The following HES5 variants were observed in gnomAD, a reference collection of about 807,000 sequenced individuals.
The protein encoded by HES5 is transcription factor HES-5.
In HES5, 12 loss-of-function variants were observed where a neutral mutation model predicts 9.6. That is an observed-to-expected ratio of 1.25 (90% CI 0.80 to 2.03). HES5 has a LOEUF of 2.03. HES5 is among the 30% of genes most tolerant of loss of function. HES5 has a pLI of 0.00. For synonymous variants in HES5, 131 were observed against 102.4 expected (o/e 1.28, Z -1.69); for missense variants, 255 against 218.6 (o/e 1.17, Z -1.05).
Position 2,529,379 on chromosome 1 carries a change from C to A in HES5, c.*90G>T. 1.0e-6 allele frequency: 1 copy of A among 997,810 alleles called. No individual in the cohort carries two copies. Among genetic ancestry groups the A allele is most frequent in the Non-Finnish European group, 1.2e-6 (1 of 837,380 alleles). 61.8% of individuals were successfully genotyped at this position (997,810 alleles called of 1,614,324 possible). On this transcript the variant is annotated 3_prime_UTR_variant, in exon 3 of 3. Transcript: ENST00000378453. This position sits in a 1 kb window ranked among gnomAD's most constrained non-coding sequence, Gnocchi z 4.5. ...GAGAAGGGCGCGTCCAAGCCCGGGGCGGACGACGGCGGGAAGGCGCTTCCC... is the reference window on the plus strand; with the variant it reads ...GAGAAGGGCGCGTCCAAGCCCGGGGAGGACGACGGCGGGAAGGCGCTTCCC...
rs991832619 is a variant in HES5, at chr1:2,530,091, C to T, written c.54+20G>A. ...ACCGGAGGCCGCGGGGACAGCGCGC[C>T]GGGCGAGTCTGGTACTTACTCGGTT... On this transcript the variant is annotated intron_variant, in intron 1 of 2. Transcript: ENST00000378453. 3 of 1,590,496 alleles carry T rather than the reference C, an allele frequency of 1.9e-6. No homozygotes were observed. The highest frequency in any genetic ancestry group is 2.6e-6 in the Non-Finnish European group (3 of 1,169,148).
Position 2,529,880 on chromosome 1 carries a change from C to A in HES5, c.186G>T (p.Leu62=). ...GCTTCAGGTAGCTGACAGCCATCTC[C>A]AGGATGTCGGCCTTCTCCAGCTTGG... The part of the protein sequence containing the change: ...PNSKLEKADI[L]EMAVSYLKHS... Residue 62 remains leucine, a synonymous_variant, in exon 2 of 3, where the codon CTG becomes CTT. Coordinates refer to ENST00000378453, the MANE Select transcript of HES5 (RefSeq NM_001010926.4). The surrounding 1 kb of genome is among the most constrained non-coding windows in gnomAD (Gnocchi z 4.5). 6.2e-7 allele frequency: 1 copy of A among 1,600,920 alleles called. No homozygotes were observed. The highest frequency in any genetic ancestry group is 8.5e-7 in the Non-Finnish European group (1 of 1,174,032).
In HES5 at chr1:2,530,204, C is replaced by T. The variant is rs1042304215; in HGVS notation, c.-40G>A. The T allele has an allele frequency of 7.0e-7, 1 of 1,436,450 alleles. No individual in the cohort carries two copies. The allele number at this position is 1,436,450 out of a possible 1,614,324, so 89.0% of individuals were successfully genotyped here. On this transcript the variant is annotated 5_prime_UTR_variant, in exon 1 of 3. Transcript: ENST00000378453. ...AGGCGACGAGGCGACGCGGGGAGGC[C>T]GGGCGAGACGAGGCGAGCGGGCGCG...
chr1:2,530,219 G>C lies in HES5; in HGVS notation c.-55C>G. 2 of 1,408,834 alleles carry C rather than the reference G, an allele frequency of 1.4e-6. No homozygotes were observed. The highest frequency in any genetic ancestry group is 1.9e-6 in the Non-Finnish European group (2 of 1,073,400). The allele number at this position is 1,408,834 out of a possible 1,614,324, so 87.3% of individuals were successfully genotyped here. A position where few individuals can be genotyped will look rare whatever the true frequency, so the allele number is the denominator to read the frequency against. Reference sequence around the variant, plus strand: ...GCGGGGAGGCCGGGCGAGACGAGGCGAGCGGGCGCGGGCAAGGCCAAGCGC... The same window carrying C: ...GCGGGGAGGCCGGGCGAGACGAGGCCAGCGGGCGCGGGCAAGGCCAAGCGC... On this transcript the variant is annotated 5_prime_UTR_variant, in exon 1 of 3. Transcript: ENST00000378453.
Position 2,529,771 on chromosome 1 carries a change from G to A in HES5, c.221-22C>T. ...AAGGCTGCGGGGAGACGCGGCGGCG[G>A]TGAGCGGGCGGCGGGGCGCGGGGGA... On this transcript the variant is annotated intron_variant, in intron 2 of 2. Transcript: ENST00000378453. This position sits in a 1 kb window ranked among gnomAD's most constrained non-coding sequence, Gnocchi z 4.5. 8.0e-7 allele frequency: 1 copy of A among 1,246,486 alleles called. No individual in the cohort carries two copies. The highest frequency in any genetic ancestry group is 1.0e-6 in the Non-Finnish European group (1 of 990,206). 77.2% of individuals were successfully genotyped at this position (1,246,486 alleles called of 1,614,324 possible). A position where few individuals can be genotyped will look rare whatever the true frequency, so the allele number is the denominator to read the frequency against.
rs953281251 is a variant in HES5, at chr1:2,529,452, C to T, written c.*17G>A. 4 of 1,064,442 alleles carry T rather than the reference C, an allele frequency of 3.8e-6. No homozygotes were observed. Among genetic ancestry groups the T allele is most frequent in the Non-Finnish European group, 4.5e-6 (4 of 881,460 alleles). The allele number at this position is 1,064,442 out of a possible 1,614,324, so 65.9% of individuals were successfully genotyped here. A position where few individuals can be genotyped will look rare whatever the true frequency, so the allele number is the denominator to read the frequency against. On this transcript the variant is annotated 3_prime_UTR_variant, in exon 3 of 3. Transcript: ENST00000378453. The surrounding 1 kb of genome is among the most constrained non-coding windows in gnomAD (Gnocchi z 4.5). ...GCCCTCTGGTCGTCGGGCCGCGCGC[C>T]CGCAGGTCCCGCCGGGTCACCAGGG...
chr1:2,529,624 G>A lies in HES5; in HGVS notation c.346C>T (p.Leu116=). ...GCCGGGGGCCGCTGGAAGTGGTACAGCAGCTTCATCTGCGTGTCGCTGGCG... is the reference window on the plus strand; with the variant it reads ...GCCGGGGGCCGCTGGAAGTGGTACAACAGCTTCATCTGCGTGTCGCTGGCG... ...HAASDTQMKL[L]YHFQRPPAAP... Residue 116 remains leucine, a synonymous_variant, in exon 3 of 3, where the codon CTG becomes TTG. Coordinates refer to ENST00000378453, the MANE Select transcript of HES5 (RefSeq NM_001010926.4). The surrounding 1 kb of genome is among the most constrained non-coding windows in gnomAD (Gnocchi z 4.5). 1 of 1,296,808 alleles carries A rather than the reference G, an allele frequency of 7.7e-7. No homozygotes were observed. 80.3% of individuals were successfully genotyped at this position (1,296,808 alleles called of 1,614,324 possible). A position where few individuals can be genotyped will look rare whatever the true frequency, so the allele number is the denominator to read the frequency against.
Position 2,529,838 on chromosome 1 carries a change from G to T in HES5, c.220+8C>A, listed in dbSNP as rs1406686072. 3 of 1,458,846 alleles carry T rather than the reference G, an allele frequency of 2.1e-6. No homozygotes were observed. The highest frequency in any genetic ancestry group is 2.7e-6 in the Non-Finnish European group (3 of 1,092,546). 90.4% of individuals were successfully genotyped at this position (1,458,846 alleles called of 1,614,324 possible). On this transcript the variant is annotated splice_region_variant and intron_variant, in intron 2 of 2. Transcript: ENST00000378453. The surrounding 1 kb of genome is among the most constrained non-coding windows in gnomAD (Gnocchi z 4.5). Reference sequence around the variant, plus strand: ...AACTCGGGGCGCGGGGGGCCCGGGCGCGCTCACCTTTGCTGTGCTTCAGGT... The same window carrying T: ...AACTCGGGGCGCGGGGGGCCCGGGCTCGCTCACCTTTGCTGTGCTTCAGGT...
At position 2,529,507 on chromosome 1, in the gene HES5, C is replaced by A. The variant is rs1643976365; in HGVS notation, c.463G>T (p.Ala155Ser). 1 of 1,000,636 alleles carries A rather than the reference C, an allele frequency of 1.0e-6. No homozygotes were observed. The highest frequency in any genetic ancestry group is 1.2e-6 in the Non-Finnish European group (1 of 831,944). 62.0% of individuals were successfully genotyped at this position (1,000,636 alleles called of 1,614,324 possible). A position where few individuals can be genotyped will look rare whatever the true frequency, so the allele number is the denominator to read the frequency against. Reference sequence around the variant, plus strand: ...CAGAGGCCGCAGGCGGGCTGGTGCGCGGCGGCGGCGGCGGCGGTGGCCTTG... The same window carrying A: ...CAGAGGCCGCAGGCGGGCTGGTGCGAGGCGGCGGCGGCGGCGGTGGCCTTG... ...SAKATAAAAA[A>S]HQPACGLWRP... Residue 155 changes from alanine to serine, a missense_variant, in exon 3 of 3, where the codon GCG becomes TCG. Coordinates refer to ENST00000378453, the MANE Select transcript of HES5 (RefSeq NM_001010926.4). This position sits in a 1 kb window ranked among gnomAD's most constrained non-coding sequence, Gnocchi z 4.5.
rs1294411671 is a variant in HES5 at position 2,529,466 on chromosome 1, G to A, written c.*3C>T. On this transcript the variant is annotated 3_prime_UTR_variant, in exon 3 of 3. Coordinates refer to ENST00000378453, the MANE Select transcript of HES5 (RefSeq NM_001010926.4). This position sits in a 1 kb window ranked among gnomAD's most constrained non-coding sequence, Gnocchi z 4.5. ...GGGCCGCGCGCCCGCAGGTCCCGCC[G>A]GGTCACCAGGGCCGCCAGAGGCCGC... The A allele has an allele frequency of 5.6e-6, 6 of 1,062,038 alleles. No homozygotes were observed. The highest frequency in any genetic ancestry group is 5.1e-5 in the African/African-American group (3 of 59,012). The allele number at this position is 1,062,038 out of a possible 1,614,324, so 65.8% of individuals were successfully genotyped here.
intron 1 of HES5, 38 bp from the exon 2 acceptor site, chr1:2,530,049 C>G (rs771466596): frequency 2.3e-5 from 37 of 1,602,064 alleles, no homozygotes; most frequent in Admixed American, 3.4e-5. Context: ...CCCGGCACGG[C>G]GCAGGGACCC....
rs201003052 is a variant in HES5, at chr1:2,529,988, C to T, written c.78G>A (p.Lys26=). 243 of 1,607,506 alleles carry T rather than the reference C, an allele frequency of 1.5e-4. 2 individuals are homozygous for T. The East Asian group carries it at 5.4e-3, about 36-fold the overall frequency. The change falls in exon 2 of 3, where the codon AAG becomes AAA. Residue 26 remains lysine, a synonymous_variant. Transcript: ENST00000378453. This position sits in a 1 kb window ranked among gnomAD's most constrained non-coding sequence, Gnocchi z 4.5. ...KNRLRKPVVE[K]MRRDRINSSI... Reference sequence around the variant, plus strand: ...TGCTGTTGATGCGGTCGCGGCGCATCTTCTCCACCACCGGCTTCCGCAGCT... The same window carrying T: ...TGCTGTTGATGCGGTCGCGGCGCATTTTCTCCACCACCGGCTTCCGCAGCT...
rs1479336528 is a variant in HES5, at chr1:2,529,237, G to T, written c.*232C>A. 1.9e-5 allele frequency: 4 copies of T among 210,218 alleles called. No individual in the cohort carries two copies. The highest frequency in any genetic ancestry group is 3.4e-5 in the Non-Finnish European group (4 of 119,166). 13.0% of individuals were successfully genotyped at this position (210,218 alleles called of 1,614,324 possible). ...TGCAAACACAGAACAACCCCATGGG[G>T]TCAGACACTTGGCAGAAGATGGGCC... On this transcript the variant is annotated 3_prime_UTR_variant, in exon 3 of 3. Coordinates refer to ENST00000378453, the MANE Select transcript of HES5 (RefSeq NM_001010926.4). This position sits in a 1 kb window ranked among gnomAD's most constrained non-coding sequence, Gnocchi z 4.5.
In HES5 at chr1:2,529,458, G is replaced by A. The variant is rs911724303; in HGVS notation, c.*11C>T. On this transcript the variant is annotated 3_prime_UTR_variant, in exon 3 of 3. Coordinates refer to ENST00000378453, the MANE Select transcript of HES5 (RefSeq NM_001010926.4). The surrounding 1 kb of genome is among the most constrained non-coding windows in gnomAD (Gnocchi z 4.5). ...TGGTCGTCGGGCCGCGCGCCCGCAGGTCCCGCCGGGTCACCAGGGCCGCCA... is the reference window on the plus strand; with the variant it reads ...TGGTCGTCGGGCCGCGCGCCCGCAGATCCCGCCGGGTCACCAGGGCCGCCA... The A allele has an allele frequency of 8.5e-6, 9 of 1,063,056 alleles. No individual in the cohort carries two copies. The African/African-American group carries it at 1.2e-4, about 14-fold the overall frequency. 65.9% of individuals were successfully genotyped at this position (1,063,056 alleles called of 1,614,324 possible). A position where few individuals can be genotyped will look rare whatever the true frequency, so the allele number is the denominator to read the frequency against.
At position 2,529,677 on chromosome 1, in the gene HES5, T is replaced by C; in HGVS notation, c.293A>G (p.Glu98Gly). ...GTGGAGCGTCAGGAACTGCACGGCC[T>C]CCTGCAGGCACCACGAGTAGCCTTC... is the stretch of plus-strand genomic sequence containing the variant. ...YSEGYSWCLQ[E>G]AVQFLTLHAA... Residue 98 changes from glutamate (E) to glycine (G), a missense_variant, in exon 3 of 3, where the codon GAG (glutamate) becomes GGG (glycine). Physicochemically the swap from Glu to Gly is moderately conservative, Grantham distance 98 (BLOSUM62 -2). Transcript: ENST00000378453. The surrounding 1 kb of genome is among the most constrained non-coding windows in gnomAD (Gnocchi z 4.5). 7.6e-7 allele frequency: 1 copy of C among 1,316,206 alleles called. No individual in the cohort carries two copies. Among genetic ancestry groups the C allele is most frequent in the Non-Finnish European group, 9.8e-7 (1 of 1,015,964 alleles). The allele number at this position is 1,316,206 out of a possible 1,614,324, so 81.5% of individuals were successfully genotyped here. A position where few individuals can be genotyped will look rare whatever the true frequency, so the allele number is the denominator to read the frequency against.
Position 2,530,158 on chromosome 1 carries a change from G to T in HES5, c.7C>A (p.Pro3Thr). The stretch of plus-strand genomic sequence containing the variant: ...AGCAGCTCCACGGCCACAGTGCTGG[G>T]GGCCATGCCTGGCGCGGAACAGGCG... MA[P>T]STVAVELLSP... Residue 3 changes from proline to threonine, a missense_variant, in exon 1 of 3, where the codon CCC becomes ACC. By Grantham distance (38) the Pro-to-Thr change is conservative (BLOSUM62 -1). Coordinates refer to ENST00000378453, the MANE Select transcript of HES5 (RefSeq NM_001010926.4). 6.6e-7 allele frequency: 1 copy of T among 1,514,632 alleles called. No individual in the cohort carries two copies. The highest frequency in any genetic ancestry group is 8.9e-7 in the Non-Finnish European group (1 of 1,129,568). 93.8% of individuals were successfully genotyped at this position (1,514,632 alleles called of 1,614,324 possible).
chr1:2,529,920 C>T lies in HES5; in HGVS notation c.146G>A (p.Arg49Gln), dbSNP rs199682108. The change falls in exon 2 of 3, where the codon CGG (arginine) becomes CAG (glutamine). Residue 49 changes from arginine to glutamine, a missense_variant. Physicochemically the swap from Arg to Gln is conservative, Grantham distance 43. Transcript: ENST00000378453. This position sits in a 1 kb window ranked among gnomAD's most constrained non-coding sequence, Gnocchi z 4.5. The stretch of plus-strand genomic sequence containing the variant: ...CTCCAGCTTGGAGTTGGGCTGGTGC[C>T]GCGCGAACTCCTGCTCCAGCAGCAG... ...LKLLLEQEFA[R>Q]HQPNSKLEKA... The T allele has an allele frequency of 8.7e-6, 14 of 1,606,930 alleles. No individual in the cohort carries two copies. Among genetic ancestry groups the T allele is most frequent in the Non-Finnish European group, 1.2e-5 (14 of 1,177,302 alleles).
rs1369433635 is a variant in HES5, at chr1:2,528,900, C to T, written c.*569G>A. On this transcript the variant is annotated 3_prime_UTR_variant, in exon 3 of 3. Coordinates refer to ENST00000378453, the MANE Select transcript of HES5 (RefSeq NM_001010926.4). ...AAGGATCATAGTGGAGGCACCCACC[C>T]TCCCCAGACAGCCCACCGTGAGCCC... The T allele has an allele frequency of 6.6e-6, 1 of 152,644 alleles. No individual in the cohort carries two copies. Among genetic ancestry groups the T allele is most frequent in the Non-Finnish European group, 1.5e-5 (1 of 68,102 alleles). The allele number at this position is 152,644 out of a possible 1,614,324, so 9.5% of individuals were successfully genotyped here.
Position 2,529,099 on chromosome 1 carries a change from G to C in HES5, c.*370C>G, listed in dbSNP as rs931830670. Reference sequence around the variant, plus strand: ...TGCCAGGGGTACGCCCAGCAGCTACGGGCCCTGAAGAAAGTCCTCTACAGG... The same window carrying C: ...TGCCAGGGGTACGCCCAGCAGCTACCGGCCCTGAAGAAAGTCCTCTACAGG... On this transcript the variant is annotated 3_prime_UTR_variant, in exon 3 of 3. Transcript: ENST00000378453. The surrounding 1 kb of genome is among the most constrained non-coding windows in gnomAD (Gnocchi z 4.5). 6.6e-6 allele frequency: 1 copy of C among 152,668 alleles called. No individual in the cohort carries two copies. The highest frequency in any genetic ancestry group is 6.5e-5 in the Admixed American group (1 of 15,290). The allele number at this position is 152,668 out of a possible 1,614,324, so 9.5% of individuals were successfully genotyped here.
Sources: gnomAD v4.1 joint callset for allele counts on GRCh38, gnomAD v4.1.1 for gene constraint, Gnocchi (gnomAD v3.1) non-coding constraint, MANE v1.5 for transcripts, NCBI Gene and HGNC (gene_info 2026-07-23, HGNC 2026-07-21) for gene names.